NRXN3: variants seen among roughly 807,000 people sequenced by gnomAD.
The protein encoded by NRXN3 is neurexin III.
NRXN3 carries 32 observed loss-of-function variants against 137.6 expected under a neutral mutation model. The observed-to-expected ratio is 0.23, with a 90% CI of 0.18 to 0.31. NRXN3 has a LOEUF of 0.31. Ranked by LOEUF, NRXN3 falls within the 10% of genes least tolerant of loss-of-function variation. NRXN3 has a pLI of 1.00. For missense variants in NRXN3, 1,574 were observed against 2,062.5 expected, an observed-to-expected ratio of 0.76 and a Z score of 4.59; for synonymous variants, 798 against 784.5, an observed-to-expected ratio of 1.02 and a Z score of -0.29.
intron 20 of NRXN3, among the ~76,000 whole-genome samples, chr14:79,824,824 TATC>T (rs1243955939): frequency 2.0e-5 from 3 of 152,234 alleles, no homozygotes; most frequent in Non-Finnish European, 4.4e-5. Context: ...GTTAAAACTG[TATC>T]ATCATATGTA....
At chr14:78,541,214 A>G (rs1224726630) in intron 4 of NRXN3, among the ~76,000 whole-genome samples, 2 of 152,200 alleles carry the variant, frequency 1.3e-5, no homozygotes, top group African/African-American at 4.8e-5. Flanking sequence ...AGTGTTTTCC[A>G]ACATGGTTCC....
intron 4 of NRXN3, among the ~76,000 whole-genome samples, chr14:78,360,734 C>T (rs1277557616): frequency 1.3e-5 from 2 of 152,150 alleles, no homozygotes; most frequent in Non-Finnish European, 2.9e-5. Flanking sequence ...AATATATTTA[C>T]ATTTAAATTT....
At chr14:79,207,079 C>T (rs1371825503) in intron 15 of NRXN3, among the ~76,000 whole-genome samples, 11 of 152,172 alleles carry the variant, frequency 7.2e-5, no homozygotes, top group Admixed American at 7.2e-4. Context: ...GCCTCTGAGG[C>T]ATGCTCACAA....
Position 79,651,184 on chromosome 14 carries a change from G to A in NRXN3, c.3445-12594G>A, listed in dbSNP as rs146989732. ...ATGAACACTAAGCCTTTCACCTCCC[G>A]GTCCACAGAGAAAGTTCCTCTCAGG... is the stretch of plus-strand genomic sequence containing the variant. On this transcript the variant is annotated intron_variant, in intron 16 of 20. Coordinates refer to ENST00000335750, the MANE Select transcript of NRXN3 (RefSeq NM_001330195.2). 2.0e-4 allele frequency among the ~76,000 whole-genome samples: 31 copies of A among 152,156 alleles called. 1 individual carries two copies. In the East Asian group the frequency reaches 4.6e-3, roughly 23 times the overall value.
chr14:78,504,654 A>G (rs982906859), intron 4 of NRXN3, among the ~76,000 whole-genome samples: 1 of 152,130 alleles, frequency 6.6e-6, no homozygotes, highest in Non-Finnish European at 1.5e-5. Context: ...TCTGATGAGA[A>G]ACTCATGGTG....
chr14:78,556,964 C>T (rs1406920441), intron 4 of NRXN3, among the ~76,000 whole-genome samples: 1 of 100,966 alleles, frequency 9.9e-6, no homozygotes, highest in Non-Finnish European at 2.1e-5. Context: ...CTCCCCCTCC[C>T]CTCCCCTCCC....
chr14:79,656,633 G>A (rs888842249), intron 16 of NRXN3, among the ~76,000 whole-genome samples: 8 of 67,350 alleles, frequency 1.2e-4, no homozygotes, highest in East Asian at 3.9e-4. Context: ...TTTTTTTTTT[G>A]CTTGGAGTCA....
intron 4 of NRXN3, among the ~76,000 whole-genome samples, chr14:78,500,281 C>T (rs1469812726): frequency 6.6e-6 from 1 of 152,112 alleles, no homozygotes; most frequent in Non-Finnish European, 1.5e-5. Flanking sequence ...TAAATAGAAA[C>T]CTGTCCTTCC....
intron 4 of NRXN3, among the ~76,000 whole-genome samples, chr14:78,341,651 G>C (rs2082157688): frequency 6.6e-6 from 1 of 152,106 alleles, no homozygotes; most frequent in East Asian, 1.9e-4. Flanking sequence ...GATAATCTCT[G>C]GTGCAAGGAA....
chr14:79,205,164 C>T (rs1004278999), intron 15 of NRXN3, among the ~76,000 whole-genome samples: 6 of 152,018 alleles, frequency 3.9e-5, no homozygotes, highest in African/African-American at 7.3e-5. Flanking sequence ...TTATAATTGC[C>T]GCGAATAGTA....
intron 15 of NRXN3, chr14:79,280,806 A>C: frequency 2.4e-6 from 1 of 424,350 alleles, no homozygotes; most frequent in Non-Finnish European, 4.3e-6. Flanking sequence ...CAGACACCAC[A>C]CTCTCTCTTT....
At chr14:78,968,966 G>A (rs1483522281) in intron 14 of NRXN3, among the ~76,000 whole-genome samples, 1 of 152,148 alleles carries the variant, frequency 6.6e-6, no homozygotes, top group Non-Finnish European at 1.5e-5. Flanking sequence ...CCAGGTAGTA[G>A]CTCTTGTTAG....
chr14:78,401,749 G>A (rs1391111735), intron 4 of NRXN3, among the ~76,000 whole-genome samples: 1 of 152,102 alleles, frequency 6.6e-6, no homozygotes, highest in African/African-American at 2.4e-5. Context: ...GTATAAAGCT[G>A]GCTGGCCCAC....
At position 78,860,331 on chromosome 14, in the gene NRXN3, A is replaced by G. The variant is rs567505598; in HGVS notation, c.2275+49987A>G. On this transcript the variant is annotated intron_variant, in intron 10 of 20. Coordinates refer to ENST00000335750, the MANE Select transcript of NRXN3 (RefSeq NM_001330195.2). The stretch of plus-strand genomic sequence containing the variant: ...TTTGCCAGTGTCTACTAGCTCTTAG[A>G]TAGTAAATTCAGCATTCAAGTTCAT... 1.4e-3 allele frequency among the ~76,000 whole-genome samples: 219 copies of G among 152,222 alleles called. 2 individuals carry two copies. The highest frequency in any genetic ancestry group is 6.8e-3 in the Middle Eastern group (2 of 294).
chr14:79,385,059 G>A (rs1287311944), intron 15 of NRXN3, among the ~76,000 whole-genome samples: 4 of 151,674 alleles, frequency 2.6e-5, no homozygotes, highest in Admixed American at 2.0e-4. Flanking sequence ...AATTTAGATG[G>A]TGTCTTTTTT....
At chr14:79,543,066 C>T (rs1287626105) in intron 16 of NRXN3, among the ~76,000 whole-genome samples, 1 of 152,268 alleles carries the variant, frequency 6.6e-6, no homozygotes, top group Non-Finnish European at 1.5e-5. Context: ...GCCTGCGATA[C>T]TGGCTTCTGT....
chr14:79,867,002 T>C lies in NRXN3; in HGVS notation c.*5038T>C, dbSNP rs1568505500. On this transcript the variant is annotated 3_prime_UTR_variant, in exon 21 of 21. Transcript: ENST00000335750. ...TCAGTAAGGGGTTAGCTGCCATTAA[T>C]AATACAACTTTATAGCTTTACTATT... 1 of 152,226 alleles carries C rather than the reference T, an allele frequency of 6.6e-6. No homozygotes were observed. The highest frequency in any genetic ancestry group is 1.5e-5 in the Non-Finnish European group (1 of 68,046). The allele number at this position is 152,226 out of a possible 1,614,324, so 9.4% of individuals were successfully genotyped here.
chr14:79,533,322 T>C (rs10141297), intron 16 of NRXN3, among the ~76,000 whole-genome samples: 140,806 of 152,164 alleles, frequency 0.93, 65,172 homozygotes, highest in South Asian at 0.95. Flanking sequence ...CTCCTTTTAA[T>C]AGGATGAAGG....
chr14:78,634,954 T>C (rs1351851728), intron 4 of NRXN3, among the ~76,000 whole-genome samples: 1 of 152,188 alleles, frequency 6.6e-6, no homozygotes, highest in Non-Finnish European at 1.5e-5. Context: ...AGTAAAATTC[T>C]TTAATACCTT....
Sources: allele counts gnomAD v4.1 joint callset (sites outside exome capture counted in the v4.1 genomes callset), GRCh38; gene constraint gnomAD v4.1.1; transcripts MANE v1.5; gene names NCBI Gene and HGNC (gene_info 2026-07-23, HGNC 2026-07-21).